The following SPG11 variants were observed in gnomAD, a reference collection of about 807,000 sequenced individuals.
SPG11 encodes SPG11 vesicle trafficking associated, spatacsin.
SPG11 carries 222 observed loss-of-function variants against 274.0 expected under a neutral mutation model. The observed-to-expected ratio is 0.81, with a 90% CI of 0.73 to 0.91. SPG11 has a LOEUF of 0.91. Among genes scored for constraint, SPG11 ranks in the 40% least tolerant of loss-of-function variants. The pLI is 0.00. For missense variants in SPG11, 3,114 were observed against 2,872.7 expected (o/e 1.08, Z -1.92); for synonymous variants, 1,144 against 1,039.7 (o/e 1.10, Z -1.93).
chr15:44,566,417 C>G, intron 36 of SPG11, 112 bp from the exon 37 acceptor site: 2 of 1,013,366 alleles, frequency 2.0e-6, no homozygotes, highest in Non-Finnish European at 1.5e-6. Flanking sequence ...TGTTCACAGG[C>G]AGGCAGGAAC....
At position 44,657,051 on chromosome 15, in the gene SPG11, TCTAA is replaced by T. The variant is rs747334561; in HGVS notation, c.869+40_869+43del. 7.5e-5 allele frequency: 116 copies of T among 1,555,016 alleles called. 1 individual carries two copies. The African/African-American group carries it at 8.6e-4, about 12-fold the overall frequency. On this transcript the variant is annotated intron_variant, in intron 4 of 39. Coordinates refer to ENST00000261866, the MANE Select transcript of SPG11 (RefSeq NM_025137.4). ...GAGGATATTTTTAACCTCTTATCAGTCTAACTATTTACCTCAAATTAGAAACTGC... is the reference window on the plus strand; with the variant it reads ...GAGGATATTTTTAACCTCTTATCAGTCTATTTACCTCAAATTAGAAACTGC...
Position 44,574,910 on chromosome 15 carries a change from G to T in SPG11, c.5998C>A (p.Leu2000Ile). 6.2e-7 allele frequency: 1 copy of T among 1,613,936 alleles called. No individual in the cohort carries two copies. Among genetic ancestry groups the T allele is most frequent in the East Asian group, 2.2e-5 (1 of 44,880 alleles). The change falls in exon 31 of 40, where the codon CTT becomes ATT. Residue 2000 changes from leucine (L) to isoleucine (I), a missense_variant. Coordinates refer to ENST00000261866, the MANE Select transcript of SPG11 (RefSeq NM_025137.4). ...CACCCCTTGGCACATACCTTGGCAA[G>T]ATCATACAGACAGAGGACCTGTCGA... ...YCRQVLCLYD[L>I]AKELGCSYTD...
At chr15:44,630,347 AC>A (rs1567175850) in intron 8 of SPG11, among the ~76,000 whole-genome samples, 1 of 152,082 alleles carries the variant, frequency 6.6e-6, no homozygotes, top group Non-Finnish European at 1.5e-5. Context: ...TCCCATCTCC[AC>A]CCTTTAGAGC....
At chr15:44,565,007 G>A (rs1595815923) in intron 38 of SPG11, among the ~76,000 whole-genome samples, 2 of 152,316 alleles carry the variant, frequency 1.3e-5, no homozygotes, top group Middle Eastern at 6.8e-3. Context: ...GCATATCTGG[G>A]ACTACAGGTA....
chr15:44,657,231 T>C lies in SPG11; in HGVS notation c.733A>G (p.Met245Val), dbSNP rs863224796. 9 of 1,613,898 alleles carry C rather than the reference T, an allele frequency of 5.6e-6. No individual in the cohort carries two copies. The highest frequency in any genetic ancestry group is 2.2e-5 in the East Asian group (1 of 44,886). Residue 245 changes from methionine (M) to valine (V), a missense_variant, in exon 4 of 40, where the codon ATG (methionine) becomes GTG (valine). Transcript: ENST00000261866. ...GGCTCCTGTTGCTGCTCATTACACA[T>C]GTCTTCTTTGTGAAGTGCTAAATCC... is the stretch of plus-strand genomic sequence containing the variant. The part of the protein sequence containing the change: ...HVDLALHKED[M>V]CNEQQQEPAK...
chr15:44,623,197 C>T (rs775261002), intron 11 of SPG11, among the ~76,000 whole-genome samples: 1 of 152,130 alleles, frequency 6.6e-6, no homozygotes, highest in Non-Finnish European at 1.5e-5. Context: ...GATCCTCCTG[C>T]CTCAGCCTCC....
chr15:44,643,897 C>T (rs2084529806), intron 7 of SPG11, among the ~76,000 whole-genome samples: 1 of 151,862 alleles, frequency 6.6e-6, no homozygotes, highest in African/African-American at 2.4e-5. Flanking sequence ...GGAGTGGTGG[C>T]TCACGCCTGT....
chr15:44,592,349 A>C lies in SPG11; in HGVS notation c.4725T>G (p.Phe1575Leu). Residue 1575 changes from phenylalanine to leucine, a missense_variant, in exon 27 of 40, where the codon TTT (phenylalanine) becomes TTG (leucine). Physicochemically the swap from Phe to Leu is conservative, Grantham distance 22. Transcript: ENST00000261866. Reference protein sequence around the residue: ...YKEAEAKLLEFQKSLETLNTA... With the variant: ...YKEAEAKLLELQKSLETLNTA... The stretch of plus-strand genomic sequence containing the variant: ...AACTTACCGTTTCAAGGCTCTTCTG[A>C]AACTCCAGAAGTTTAGCTTCAGCTT... 1 of 1,606,192 alleles carries C rather than the reference A, an allele frequency of 6.2e-7. No homozygotes were observed. The highest frequency in any genetic ancestry group is 8.5e-7 in the Non-Finnish European group (1 of 1,172,824).
intron 7 of SPG11, among the ~76,000 whole-genome samples, chr15:44,643,693 A>C (rs1416025584): frequency 1.3e-5 from 2 of 152,170 alleles, no homozygotes; most frequent in Admixed American, 6.5e-5. Flanking sequence ...TGACTTCATA[A>C]GACTAAAACA....
intron 17 of SPG11, 47 bp downstream of exon 17, chr15:44,613,383 T>A (rs1474370281): frequency 8.1e-7 from 1 of 1,231,744 alleles, no homozygotes; most frequent in Non-Finnish European, 1.2e-6. Context: ...AACAGACCAG[T>A]GACTGATCCA....
intron 7 of SPG11, among the ~76,000 whole-genome samples, chr15:44,635,957 T>A (rs1476003423): frequency 6.6e-6 from 1 of 151,688 alleles, no homozygotes; most frequent in Non-Finnish European, 1.5e-5. Flanking sequence ...ACCCTTAGCA[T>A]AAAGCAGTGT....
Position 44,633,609 on chromosome 15 carries a change from G to A in SPG11, c.1631C>T (p.Thr544Ile), listed in dbSNP as rs776498833. The change falls in exon 8 of 40, where the codon ACA becomes ATA. Residue 544 changes from threonine to isoleucine, a missense_variant. Thr to Ile is a moderately conservative substitution (Grantham distance 89, BLOSUM62 -1). Transcript: ENST00000261866. ...CTTGCTCTTCAAAAAGAAATTTACT[G>A]TGTCCAGCTGACGATTTTCTATCCC... The part of the protein sequence containing the change: ...EAGIENRQLD[T>I]VNFFLKSKEN... The A allele has an allele frequency of 1.9e-6, 3 of 1,613,542 alleles. No individual in the cohort carries two copies. The highest frequency in any genetic ancestry group is 4.5e-5 in the East Asian group (2 of 44,844).
chr15:44,574,485 CT>C (rs1247031110), intron 31 of SPG11, among the ~76,000 whole-genome samples: 1 of 152,144 alleles, frequency 6.6e-6, no homozygotes, highest in East Asian at 1.9e-4. Context: ...TACTGTTTTT[CT>C]CCCCCAAGCA....
At chr15:44,625,896 T>G (rs2083884789) in intron 11 of SPG11, among the ~76,000 whole-genome samples, 1 of 151,668 alleles carries the variant, frequency 6.6e-6, no homozygotes, top group Admixed American at 6.6e-5. Context: ...GTCAGGCTGG[T>G]CTCAAACTCC....
At chr15:44,642,725 C>T (rs901404675) in intron 7 of SPG11, among the ~76,000 whole-genome samples, 5 of 151,686 alleles carry the variant, frequency 3.3e-5, no homozygotes, top group African/African-American at 4.8e-5. Flanking sequence ...TAAAAATTAT[C>T]TGGGTGCAGT....
At chr15:44,593,847 G>A (rs138469913) in intron 26 of SPG11, among the ~76,000 whole-genome samples, 14 of 151,084 alleles carry the variant, frequency 9.3e-5, no homozygotes, top group African/African-American at 2.4e-4. Context: ...TCCACCTTGC[G>A]GGTTCAAGTG....
chr15:44,590,765 A>G (rs1280003893), intron 27 of SPG11: 1 of 152,178 alleles, frequency 6.6e-6, no homozygotes, highest in Admixed American at 6.5e-5. Flanking sequence ...CAAAACACGT[A>G]TATGTTAATA....
chr15:44,596,649 C>G (rs938225902), intron 24 of SPG11, 135 bp downstream of exon 24: 2 of 691,006 alleles, frequency 2.9e-6, no homozygotes, highest in Non-Finnish European at 4.3e-6. Context: ...GTATCCAGTA[C>G]GTATCCTGGT....
intron 20 of SPG11, chr15:44,603,979 A>G (rs2083258380): frequency 1.2e-5 from 2 of 166,462 alleles, no homozygotes; most frequent in South Asian, 2.4e-4. Flanking sequence ...GGCTGACTCC[A>G]GTTAGAAAGA....
Sources: allele counts gnomAD v4.1 joint callset (sites outside exome capture counted in the v4.1 genomes callset), GRCh38; gene constraint gnomAD v4.1.1; transcripts MANE v1.5; gene names NCBI Gene and HGNC (gene_info 2026-07-23, HGNC 2026-07-21).